ADGRL2: variants seen among roughly 807,000 people sequenced by gnomAD.
ADGRL2 encodes adhesion G protein-coupled receptor L2.
A neutral mutation model predicts 157.4 loss-of-function variants in ADGRL2; 44 were observed. That is an observed-to-expected ratio of 0.28 (90% CI 0.22 to 0.36). ADGRL2 has a LOEUF of 0.36. Ranked by LOEUF, ADGRL2 falls within the 10% of genes least tolerant of loss-of-function variation. ADGRL2 has a pLI of 1.00. For missense variants in ADGRL2, 1,510 were observed against 1,768.9 expected, an observed-to-expected ratio of 0.85 and a Z score of 2.63; for synonymous variants, 585 against 624.7, an observed-to-expected ratio of 0.94 and a Z score of 0.95.
intron 1 of ADGRL2, among the ~76,000 whole-genome samples, chr1:81,416,525 G>A (rs1301112131): frequency 6.6e-6 from 1 of 152,118 alleles, no homozygotes; most frequent in Non-Finnish European, 1.5e-5. Flanking sequence ...ACATGTAGTA[G>A]ATTAAATAAT....
intron 2 of ADGRL2, among the ~76,000 whole-genome samples, chr1:81,897,646 T>C (rs1273850651): frequency 6.6e-6 from 1 of 152,196 alleles, no homozygotes; most frequent in African/African-American, 2.4e-5. Context: ...AACTATCAGC[T>C]AATGGTTTTC....
At chr1:81,395,157 C>T (rs565325437) in intron 1 of ADGRL2, among the ~76,000 whole-genome samples, 5 of 152,202 alleles carry the variant, frequency 3.3e-5, no homozygotes, top group East Asian at 1.9e-4. Context: ...GTGATCCACC[C>T]GCTTTGGCCT....
intron 6 of ADGRL2, among the ~76,000 whole-genome samples, chr1:81,948,265 C>CAA (rs35614162): frequency 1.4e-5 from 2 of 146,684 alleles, no homozygotes; most frequent in Non-Finnish European, 3.0e-5. Context: ...AATAAATTAT[C>CAA]AAAAAAAAAA....
chr1:81,790,393 A>T (rs1160890234), intron 2 of ADGRL2, among the ~76,000 whole-genome samples: 1 of 152,192 alleles, frequency 6.6e-6, no homozygotes, highest in Non-Finnish European at 1.5e-5. Context: ...AAACATTGTT[A>T]TTCTGGAAAA....
chr1:81,356,918 A>C (rs1472629989), intron 1 of ADGRL2, among the ~76,000 whole-genome samples: 1 of 123,216 alleles, frequency 8.1e-6, no homozygotes, highest in African/African-American at 2.9e-5. Context: ...GCGCCACTGC[A>C]CTCCAGCCTG....
At chr1:81,555,599 G>A (rs376133250) in intron 2 of ADGRL2, among the ~76,000 whole-genome samples, 3 of 152,034 alleles carry the variant, frequency 2.0e-5, no homozygotes, top group East Asian at 3.9e-4. Flanking sequence ...TTAGCAATTC[G>A]ACAGAGAATT....
At chr1:81,524,945 A>G (rs2079417679) in intron 2 of ADGRL2, among the ~76,000 whole-genome samples, 1 of 152,174 alleles carries the variant, frequency 6.6e-6, no homozygotes, top group Non-Finnish European at 1.5e-5. Flanking sequence ...ACATTTGTAT[A>G]GAATATCTTT....
chr1:81,545,361 T>C (rs1395438842), intron 2 of ADGRL2, among the ~76,000 whole-genome samples: 1 of 151,694 alleles, frequency 6.6e-6, no homozygotes, highest in Non-Finnish European at 1.5e-5. Context: ...ATCTTGGCTG[T>C]CTGCAACCTC....
intron 2 of ADGRL2, among the ~76,000 whole-genome samples, chr1:81,870,436 G>A (rs943495359): frequency 6.6e-6 from 1 of 152,034 alleles, no homozygotes; most frequent in African/African-American, 2.4e-5. Context: ...GGTCACACTT[G>A]AAATTGCAAG....
At chr1:81,661,368 C>G (rs142148638) in intron 3 of ADGRL2, among the ~76,000 whole-genome samples, 2 of 152,248 alleles carry the variant, frequency 1.3e-5, no homozygotes, top group East Asian at 3.9e-4. Flanking sequence ...AATCATTACA[C>G]GTTTTTGGTT....
chr1:81,525,404 G>A (rs578203490), intron 2 of ADGRL2, among the ~76,000 whole-genome samples: 4 of 151,962 alleles, frequency 2.6e-5, no homozygotes, highest in South Asian at 2.1e-4. Flanking sequence ...TGCAACCTCC[G>A]CCTCCTGGGT....
At chr1:81,948,279 A>G (rs80189210) in intron 6 of ADGRL2, among the ~76,000 whole-genome samples, 2 of 151,710 alleles carry the variant, frequency 1.3e-5, no homozygotes, top group African/African-American at 4.8e-5. Context: ...AAAAAAAACA[A>G]TGGAAACATG....
chr1:81,975,695 T>C (rs1461803474), intron 17 of ADGRL2, among the ~76,000 whole-genome samples: 1 of 152,008 alleles, frequency 6.6e-6, no homozygotes, highest in Admixed American at 6.6e-5. Flanking sequence ...GAAAGAGCCA[T>C]TTATGTCATG....
intron 2 of ADGRL2, among the ~76,000 whole-genome samples, chr1:81,878,448 TTAATG>T (rs2093898082): frequency 6.6e-6 from 1 of 152,144 alleles, no homozygotes; most frequent in South Asian, 2.1e-4. Flanking sequence ...TTGTAAATAA[TTAATG>T]AAAAAGGCAT....
chr1:81,514,369 T>C (rs1252825698), intron 2 of ADGRL2, among the ~76,000 whole-genome samples: 4 of 152,162 alleles, frequency 2.6e-5, no homozygotes, highest in Admixed American at 2.6e-4. Context: ...TTCGAATGAA[T>C]TAAAACAGTC....
rs144533862 is a variant in ADGRL2, at chr1:81,327,500, G to A, written c.-302+20991G>A. ...AGCAGTCCCTGGTTGCTTGTAAAAT[G>A]CTCCATATAATTACAGTAACTATGG... On this transcript the variant is annotated intron_variant, in intron 1 of 24. Coordinates refer to the ADGRL2 transcript ENST00000370721. Among the ~76,000 whole-genome samples the A allele has an allele frequency of 7.9e-5, 12 of 152,240 alleles. 1 individual carries two copies. The East Asian group carries it at 1.4e-3, about 17-fold the overall frequency.
intron 2 of ADGRL2, among the ~76,000 whole-genome samples, chr1:81,552,605 G>GAAAAAAA (rs35795177): frequency 9.6e-6 from 1 of 103,992 alleles, no homozygotes; most frequent in Non-Finnish European, 1.9e-5. Flanking sequence ...ACTTTACTTA[G>GAAAAAAA]AAAAAAAAAA....
At chr1:81,839,313 G>A (rs995906397) in intron 2 of ADGRL2, among the ~76,000 whole-genome samples, 3 of 151,958 alleles carry the variant, frequency 2.0e-5, no homozygotes, top group Non-Finnish European at 4.4e-5. Context: ...ATTAAATTGA[G>A]CTGCATGCTT....
At chr1:81,886,052 G>A (rs141439546) in intron 2 of ADGRL2, among the ~76,000 whole-genome samples, 3 of 152,224 alleles carry the variant, frequency 2.0e-5, no homozygotes, top group African/African-American at 7.2e-5. Flanking sequence ...AAAGCAGCCT[G>A]GTTGTAATAA....
Sources: gnomAD v4.1 joint callset for allele counts (sites outside exome capture counted in the v4.1 genomes callset) on GRCh38, gnomAD v4.1.1 for gene constraint, MANE v1.5 for transcripts, NCBI Gene and HGNC (gene_info 2026-07-23, HGNC 2026-07-21) for gene names.